NXPE2: variants seen among roughly 807,000 people sequenced by gnomAD.
NXPE2 encodes neurexophilin and PC-esterase domain family member 2.
NXPE2 carries 34 observed loss-of-function variants against 34.4 expected under a neutral mutation model. The ratio of observed to expected loss-of-function variants is 0.99; its 90% CI spans 0.75 to 1.31. The LOEUF (loss-of-function observed/expected upper bound fraction) is 1.31. Ranked by LOEUF, NXPE2 falls within the 40% of genes most tolerant of loss-of-function variation. The pLI is 0.00. For missense variants in NXPE2, 649 were observed against 672.5 expected (o/e 0.97, Z 0.39); for synonymous variants, 235 against 231.3 (o/e 1.02, Z -0.15).
the NXPE2 span, among the ~76,000 whole-genome samples, chr11:114,722,327 T>C: frequency 1.3e-5 from 2 of 152,194 alleles, no homozygotes; most frequent in Admixed American, 1.3e-4. Context: ...GCTGCCACCA[T>C]GTAATACATG....
chr11:114,536,796 T>C, the NXPE2 span, among the ~76,000 whole-genome samples: 1 of 152,096 alleles, frequency 6.6e-6, no homozygotes, highest in African/African-American at 2.4e-5. Flanking sequence ...ATTAATAGCT[T>C]ACCAACCAAA....
chr11:114,540,837 C>CTTTTTTTTTTTT, the NXPE2 span, among the ~76,000 whole-genome samples: 6 of 47,470 alleles, frequency 1.3e-4, 2 homozygotes, highest in Non-Finnish European at 2.8e-4. Flanking sequence ...AGAAAGCCAT[C>CTTTTTTTTTTTT]TTTTTTTTTT....
At chr11:114,634,346 G>T in the NXPE2 span, among the ~76,000 whole-genome samples, 10 of 151,724 alleles carry the variant, frequency 6.6e-5, no homozygotes, top group Admixed American at 4.6e-4. Flanking sequence ...TGAGTTCATT[G>T]TAGATTCTGG....
the NXPE2 span, among the ~76,000 whole-genome samples, chr11:114,465,998 A>C: frequency 3.3e-5 from 5 of 152,186 alleles, no homozygotes; most frequent in African/African-American, 1.2e-4. Flanking sequence ...AGTCTTTAAC[A>C]AATTTCCCTC....
the NXPE2 span, among the ~76,000 whole-genome samples, chr11:114,635,879 G>A: frequency 6.6e-6 from 1 of 152,008 alleles, no homozygotes; most frequent in Non-Finnish European, 1.5e-5. Context: ...GTATTTTATC[G>A]AGAATTTTTG....
the NXPE2 span, among the ~76,000 whole-genome samples, chr11:114,741,241 G>GCTT: frequency 6.6e-6 from 1 of 151,850 alleles, no homozygotes; most frequent in Non-Finnish European, 1.5e-5. Context: ...CTCTTCTCTT[G>GCTT]CTTTCAAAAT....
At chr11:114,749,789 C>T in the NXPE2 span, among the ~76,000 whole-genome samples, 2 of 152,138 alleles carry the variant, frequency 1.3e-5, no homozygotes, top group Non-Finnish European at 2.9e-5. Flanking sequence ...ATGCCCTTTC[C>T]ACTCTTCTCA....
At chr11:114,606,703 T>C in the NXPE2 span, among the ~76,000 whole-genome samples, 1 of 151,848 alleles carries the variant, frequency 6.6e-6, no homozygotes, top group Non-Finnish European at 1.5e-5. Flanking sequence ...ACCCGGAGGG[T>C]AATAAGGACT....
chr11:114,625,554 C>T, the NXPE2 span, among the ~76,000 whole-genome samples: 25 of 150,566 alleles, frequency 1.7e-4, no homozygotes, highest in Non-Finnish European at 3.1e-4. Context: ...CACTGTTACC[C>T]GGTGGATAAT....
At chr11:114,746,898 AAC>A in the NXPE2 span, among the ~76,000 whole-genome samples, 132 of 145,786 alleles carry the variant, frequency 9.1e-4, no homozygotes, top group East Asian at 6.4e-3. Flanking sequence ...AAAAAAAAAA[AAC>A]CCCACAAAGA....
chr11:114,773,425 A>C, the NXPE2 span, among the ~76,000 whole-genome samples: 634 of 151,834 alleles, frequency 4.2e-3, 4 homozygotes, highest in Middle Eastern at 0.014. Context: ...GTTTGCATTC[A>C]AGATCCTTCT....
chr11:114,608,456 G>A, the NXPE2 span, among the ~76,000 whole-genome samples: 5 of 151,758 alleles, frequency 3.3e-5, no homozygotes, highest in Admixed American at 1.3e-4. Flanking sequence ...GTTACTCAGA[G>A]GATAGTAAGT....
the NXPE2 span, among the ~76,000 whole-genome samples, chr11:114,560,481 G>T: frequency 6.6e-6 from 1 of 151,892 alleles, no homozygotes; most frequent in South Asian, 2.1e-4. Flanking sequence ...TGCCCAGGCT[G>T]GTCTTGAACT....
chr11:114,800,291 CATGAT>C, the NXPE2 span, among the ~76,000 whole-genome samples: 1 of 152,224 alleles, frequency 6.6e-6, no homozygotes, highest in African/African-American at 2.4e-5. Flanking sequence ...CTCACATGCA[CATGAT>C]ATAATTTTTC....
At chr11:114,611,995 GATA>G in the NXPE2 span, among the ~76,000 whole-genome samples, 1 of 151,912 alleles carries the variant, frequency 6.6e-6, no homozygotes, top group Non-Finnish European at 1.5e-5. Context: ...TTACCCAGTG[GATA>G]ATAAGTCATG....
At chr11:114,779,513 C>T in the NXPE2 span, among the ~76,000 whole-genome samples, 19 of 152,166 alleles carry the variant, frequency 1.2e-4, no homozygotes, top group African/African-American at 4.1e-4. Context: ...AGCATCCCAT[C>T]CCCGGGTGCC....
chr11:114,744,811 A>G, the NXPE2 span, among the ~76,000 whole-genome samples: 1 of 152,326 alleles, frequency 6.6e-6, no homozygotes, highest in African/African-American at 2.4e-5. Context: ...TCAGAAAAAA[A>G]GAAAGAAAAA....
At chr11:114,701,732 CT>C (rs1488243446) in intron 3 of NXPE2, among the ~76,000 whole-genome samples, 1 of 152,186 alleles carries the variant, frequency 6.6e-6, no homozygotes, top group Admixed American at 6.5e-5. Flanking sequence ...AAGCCAGTTT[CT>C]GTTTCATTTG....
At chr11:114,619,920 A>C in the NXPE2 span, among the ~76,000 whole-genome samples, 1 of 147,862 alleles carries the variant, frequency 6.8e-6, no homozygotes, top group African/African-American at 2.5e-5. Context: ...GTGTTACCTC[A>C]TGGGTAACCA....
Sources: allele counts gnomAD v4.1 joint callset (sites outside exome capture counted in the v4.1 genomes callset), GRCh38; gene constraint gnomAD v4.1.1; transcripts MANE v1.5; gene names NCBI Gene and HGNC (gene_info 2026-07-23, HGNC 2026-07-21).